NEBL: variants seen among roughly 807,000 people sequenced by gnomAD.
NEBL encodes nebulette.
In NEBL, 122 loss-of-function variants were observed where a neutral mutation model predicts 140.2. The observed-to-expected ratio is 0.87, with a 90% CI of 0.75 to 1.01. The LOEUF is 1.01. Ranked by LOEUF, NEBL falls within the 50% of genes least tolerant of loss-of-function variation. NEBL has a pLI of 0.00. For missense variants in NEBL, 1,365 were observed against 1,231.3 expected (o/e 1.11, Z -1.62); for synonymous variants, 436 against 398.9 (o/e 1.09, Z -1.11).
intron 2 of NEBL, among the ~76,000 whole-genome samples, chr10:21,051,038 T>C (rs572471033): frequency 6.6e-6 from 1 of 152,168 alleles, no homozygotes; most frequent in Non-Finnish European, 1.5e-5. Context: ...AGAATATCCT[T>C]CTTCTTTAGA....
At chr10:20,899,214 T>C (rs1847731609), upstream of NEBL, among the ~76,000 whole-genome samples, 1 of 152,220 alleles carries the variant, frequency 6.6e-6, no homozygotes, top group African/African-American at 2.4e-5. Context: ...ATTATCTTTA[T>C]TTGGAAATAG....
intron 1 of NEBL, among the ~76,000 whole-genome samples, chr10:21,265,761 GTC>G (rs952265211): frequency 1.5e-4 from 23 of 152,204 alleles, no homozygotes; most frequent in Non-Finnish European, 3.4e-4. Context: ...AAGCCAGGCA[GTC>G]TCTGTCACAA....
At chr10:20,953,506 ATTT>A (rs146415247) in intron 4 of NEBL, among the ~76,000 whole-genome samples, 10,537 of 119,850 alleles carry the variant, frequency 0.088, 407 homozygotes, top group African/African-American at 0.19. Context: ...ACAAGCCCTA[ATTT>A]TTTTTTTTTT....
At chr10:21,134,952 A>T (rs1387606609) in intron 2 of NEBL, among the ~76,000 whole-genome samples, 2 of 152,160 alleles carry the variant, frequency 1.3e-5, no homozygotes, top group East Asian at 3.9e-4. Flanking sequence ...ACACACACTT[A>T]ATATTTTATG....
chr10:21,065,853 C>T (rs1835511590), intron 2 of NEBL, among the ~76,000 whole-genome samples: 2 of 152,160 alleles, frequency 1.3e-5, no homozygotes, highest in African/African-American at 4.8e-5. Flanking sequence ...AGAGAAATTG[C>T]ACCAGGTTAA....
intron 3 of NEBL, among the ~76,000 whole-genome samples, chr10:21,214,581 T>G (rs1271014415): frequency 6.6e-6 from 1 of 150,466 alleles, no homozygotes; most frequent in African/African-American, 2.5e-5. Context: ...CACGCACACA[T>G]GCACATTACA....
At chr10:20,897,729 A>G (rs1262632377), upstream of NEBL, 1 of 189,510 alleles carries the variant, frequency 5.3e-6, no homozygotes, top group Non-Finnish European at 9.8e-6. Context: ...TCATTTTGTC[A>G]ACCTAAATTA....
chr10:20,968,963 A>C (rs1225406474), intron 3 of NEBL, among the ~76,000 whole-genome samples: 1 of 152,212 alleles, frequency 6.6e-6, no homozygotes, highest in Non-Finnish European at 1.5e-5. Context: ...AAGGTACTAG[A>C]AAATGTAGAC....
intron 19 of NEBL, among the ~76,000 whole-genome samples, chr10:20,821,457 G>T (rs1387071240): frequency 6.6e-6 from 1 of 151,938 alleles, no homozygotes; most frequent in Non-Finnish European, 1.5e-5. Flanking sequence ...CCAAATTTCT[G>T]CCATTTGCAT....
At chr10:21,122,096 G>T (rs1418885772) in intron 2 of NEBL, among the ~76,000 whole-genome samples, 1 of 151,828 alleles carries the variant, frequency 6.6e-6, no homozygotes, top group Non-Finnish European at 1.5e-5. Context: ...CACGATCTCG[G>T]CTCACTGAAA....
At chr10:21,186,018 T>C (rs1276955489) in intron 3 of NEBL, among the ~76,000 whole-genome samples, 2 of 152,128 alleles carry the variant, frequency 1.3e-5, no homozygotes, top group African/African-American at 2.4e-5. Flanking sequence ...GGGCTTCCAT[T>C]CCCAATGAGA....
chr10:20,818,220 T>C (rs921007873), intron 20 of NEBL, among the ~76,000 whole-genome samples: 1 of 151,854 alleles, frequency 6.6e-6, no homozygotes, highest in Non-Finnish European at 1.5e-5. Context: ...AAGGTACTTG[T>C]TTTGGAAAAA....
intron 2 of NEBL, among the ~76,000 whole-genome samples, chr10:21,067,878 C>G (rs1274228857): frequency 1.3e-5 from 2 of 152,104 alleles, no homozygotes; most frequent in African/African-American, 4.8e-5. Context: ...ACTCAGGAGG[C>G]TGAGGCAGGA....
chr10:20,978,178 A>G (rs529817457), intron 3 of NEBL, among the ~76,000 whole-genome samples: 11 of 152,290 alleles, frequency 7.2e-5, no homozygotes, highest in African/African-American at 2.6e-4. Context: ...AATGAGATTC[A>G]AGTTTATCCA....
intron 11 of NEBL, among the ~76,000 whole-genome samples, chr10:20,846,849 G>GAA (rs1159455303): frequency 5.2e-4 from 75 of 144,170 alleles, no homozygotes; most frequent in African/African-American, 1.8e-3. Context: ...TATATAGCTA[G>GAA]AAAAAAAAAA....
chr10:20,828,402 T>C, intron 17 of NEBL, 128 bp downstream of exon 17: 1 of 629,244 alleles, frequency 1.6e-6, no homozygotes, highest in East Asian at 2.8e-5. Flanking sequence ...TTTAAAGAAA[T>C]AAAGATAATA....
intron 2 of NEBL, among the ~76,000 whole-genome samples, chr10:21,068,959 G>GTA: frequency 6.6e-6 from 1 of 152,236 alleles, no homozygotes; most frequent in Non-Finnish European, 1.5e-5. Flanking sequence ...CAAGATCACG[G>GTA]CTCACTGCAG....
intron 23 of NEBL, 70 bp from the exon 24 acceptor site, chr10:20,813,010 G>A (rs997126585): frequency 7.5e-7 from 1 of 1,336,524 alleles, no homozygotes; most frequent in Non-Finnish European, 1.1e-6. Flanking sequence ...TTTATTAAAT[G>A]ACAGGTGTAC....
chr10:21,076,573 C>T (rs185791804), intron 2 of NEBL, among the ~76,000 whole-genome samples: 14 of 150,618 alleles, frequency 9.3e-5, no homozygotes, highest in Non-Finnish European at 1.6e-4. Flanking sequence ...ATGGTCATAG[C>T]AGCGTTGACC....
Sources: allele counts gnomAD v4.1 joint callset (sites outside exome capture counted in the v4.1 genomes callset), GRCh38; gene constraint gnomAD v4.1.1; transcripts MANE v1.5; gene names NCBI Gene and HGNC (gene_info 2026-07-23, HGNC 2026-07-21).